Variants in SUGP1 observed in about 807,000 individuals in gnomAD.
The protein encoded by SUGP1 is SURP and G-patch domain-containing protein 1.
In SUGP1, 34 loss-of-function variants were observed where a neutral mutation model predicts 76.5. The ratio of observed to expected loss-of-function variants is 0.44; its 90% CI spans 0.34 to 0.59. The LOEUF (loss-of-function observed/expected upper bound fraction) is 0.59, where lower values mean the gene tolerates loss of function less well. Among genes scored for constraint, SUGP1 ranks in the 20% least tolerant of loss-of-function variants. The pLI is 0.01. For missense variants in SUGP1, 752 were observed against 851.7 expected (o/e 0.88, Z 1.46); for synonymous variants, 326 against 326.2 (o/e 1.00, Z 0.01).
At chr19:19,279,087 A>T in intron 10 of SUGP1, 126 bp downstream of exon 10, 1 of 1,106,038 alleles carries the variant, frequency 9.0e-7, no homozygotes, top group Non-Finnish European at 1.3e-6. Flanking sequence ...CAGCCACAGG[A>T]AGCAGGCTGG....
At chr19:19,296,429 G>A (rs1049109510) in intron 8 of SUGP1, among the ~76,000 whole-genome samples, 1 of 152,070 alleles carries the variant, frequency 6.6e-6, no homozygotes, top group Admixed American at 6.6e-5. Context: ...GGGAGATCAC[G>A]AGGTCAGGAG....
At chr19:19,295,632 A>C (rs1599856590) in intron 8 of SUGP1, among the ~76,000 whole-genome samples, 6 of 145,040 alleles carry the variant, frequency 4.1e-5, no homozygotes, top group East Asian at 2.0e-4. Context: ...AAAAAAAAGA[A>C]CCCGACGGCA....
intron 8 of SUGP1, among the ~76,000 whole-genome samples, chr19:19,283,644 C>T (rs1052994873): frequency 6.6e-6 from 1 of 152,186 alleles, no homozygotes; most frequent in African/African-American, 2.4e-5. Flanking sequence ...TTAGTAGAGA[C>T]AGGTTTCAGC....
At chr19:19,316,096 G>A (rs1343269429) in intron 2 of SUGP1, among the ~76,000 whole-genome samples, 1 of 152,100 alleles carries the variant, frequency 6.6e-6, no homozygotes, top group Non-Finnish European at 1.5e-5. Context: ...GCCTCCCAAA[G>A]GGCTGAGATT....
At chr19:19,299,131 G>C (rs1413542341) in intron 7 of SUGP1, among the ~76,000 whole-genome samples, 1 of 152,186 alleles carries the variant, frequency 6.6e-6, no homozygotes, top group Non-Finnish European at 1.5e-5. Context: ...TATCTTAATA[G>C]AGCTGTGATC....
chr19:19,291,059 G>A (rs1279469043), intron 8 of SUGP1, among the ~76,000 whole-genome samples: 1 of 152,128 alleles, frequency 6.6e-6, no homozygotes, highest in African/African-American at 2.4e-5. Flanking sequence ...AGAGGTTGCA[G>A]TGAGACAAGA....
At chr19:19,312,511 G>C (rs1477517684) in intron 2 of SUGP1, among the ~76,000 whole-genome samples, 1 of 152,144 alleles carries the variant, frequency 6.6e-6, no homozygotes, top group Admixed American at 6.5e-5. Flanking sequence ...AGCTCATGGA[G>C]TCCACAGGGC....
At chr19:19,306,674 G>A (rs990919142) in intron 3 of SUGP1, among the ~76,000 whole-genome samples, 1 of 152,246 alleles carries the variant, frequency 6.6e-6, no homozygotes, top group African/African-American at 2.4e-5. Context: ...AGCTCCACGG[G>A]TGACGATTTA....
At chr19:19,305,208 G>A (rs2061307032) in intron 4 of SUGP1, among the ~76,000 whole-genome samples, 1 of 152,204 alleles carries the variant, frequency 6.6e-6, no homozygotes, top group African/African-American at 2.4e-5. Context: ...TGTGCTGTCA[G>A]GGTGATGTGA....
intron 8 of SUGP1, among the ~76,000 whole-genome samples, chr19:19,282,559 G>A (rs918553310): frequency 2.0e-5 from 3 of 152,030 alleles, no homozygotes; most frequent in African/African-American, 7.2e-5. Context: ...CAATGTGTGA[G>A]CATCACAGAC....
At chr19:19,299,901 C>T (rs1207967398) in intron 7 of SUGP1, among the ~76,000 whole-genome samples, 2 of 152,092 alleles carry the variant, frequency 1.3e-5, no homozygotes, top group African/African-American at 4.8e-5. Context: ...AAGCCATTCT[C>T]CTGCCTCAGC....
At chr19:19,283,734 G>A (rs554213233) in intron 8 of SUGP1, among the ~76,000 whole-genome samples, 11 of 152,304 alleles carry the variant, frequency 7.2e-5, no homozygotes, top group African/African-American at 1.4e-4. Context: ...GATTACAGGC[G>A]TGAGCCACCA....
In SUGP1 at chr19:19,316,509, G is replaced by A; in HGVS notation, c.119C>T (p.Ala40Val). ...GGCTTCAATTTCCCGTTTCTTCTGA[G>A]CGATGAGCTCTTCCTGGTGAAGGAT... is the stretch of plus-strand genomic sequence containing the variant. ...MNILHQEELI[A>V]QKKREIEAKM... The change falls in exon 2 of 14, where the codon GCT (alanine) becomes GTT (valine). Residue 40 changes from alanine (A) to valine (V), a missense_variant. Physicochemically the swap from Ala to Val is moderately conservative, Grantham distance 64 (BLOSUM62 0). Around this residue, in one of 2 missense-constraint regions of SUGP1, gnomAD observed 620 missense variants for 617.3 expected, o/e 1.00. Coordinates refer to ENST00000247001, the MANE Select transcript of SUGP1 (RefSeq NM_172231.4). 1 of 1,613,876 alleles carries A rather than the reference G, an allele frequency of 6.2e-7. No individual in the cohort carries two copies. The highest frequency in any genetic ancestry group is 1.1e-5 in the South Asian group (1 of 91,074).
At chr19:19,317,795 C>T (rs1004698654) in intron 1 of SUGP1, among the ~76,000 whole-genome samples, 11 of 148,126 alleles carry the variant, frequency 7.4e-5, no homozygotes, top group East Asian at 2.0e-4. Context: ...CATGAGGCAC[C>T]GTGCCCCAGT....
chr19:19,295,605 CAAAAAAAAAAAAA>C (rs55921805), intron 8 of SUGP1, among the ~76,000 whole-genome samples: 1 of 66,810 alleles, frequency 1.5e-5, no homozygotes, highest in Admixed American at 1.9e-4. Flanking sequence ...GACTCCTTCT[CAAAAAAAAAAAAA>C]AAAAAAAAAA....
At chr19:19,303,691 C>T (rs374213493) in intron 5 of SUGP1, 33 bp downstream of exon 5, 529 of 1,613,362 alleles carry the variant, frequency 3.3e-4, no homozygotes, top group Non-Finnish European at 4.2e-4. Context: ...ACGCATTCAA[C>T]AGCACAGCCT....
chr19:19,313,724 C>G lies in SUGP1; in HGVS notation c.206+2698G>C, dbSNP rs369746356. On this transcript the variant is annotated intron_variant, in intron 2 of 13. Coordinates refer to ENST00000247001, the MANE Select transcript of SUGP1 (RefSeq NM_172231.4). ...ATCCTGCCTCTGAAATAAAACAGGC[C>G]CGGCACGGTGGCTCAAGGCTGTAAT... Among the ~76,000 whole-genome samples, 68 of 151,984 alleles carry G rather than the reference C, an allele frequency of 4.5e-4. No homozygotes were observed. The South Asian group carries it at 0.013, about 30-fold the overall frequency.
intron 8 of SUGP1, among the ~76,000 whole-genome samples, chr19:19,288,002 T>G (rs942369196): frequency 6.6e-6 from 1 of 152,172 alleles, no homozygotes; most frequent in African/African-American, 2.4e-5. Context: ...ATGACCTTTG[T>G]GATGATCCAT....
At chr19:19,297,430 T>G (rs2146609714) in intron 7 of SUGP1, 86 bp from the exon 8 acceptor site, 813 of 845,946 alleles carry the variant, frequency 9.6e-4, no homozygotes, top group Non-Finnish European at 1.2e-3. Context: ...TGGCCTTGTG[T>G]GCCCACGTTG....
Sources: gnomAD v4.1 joint callset for allele counts (sites outside exome capture counted in the v4.1 genomes callset) on GRCh38, gnomAD v4.1.1 for gene constraint, gnomAD v4.1.1 regional missense constraint, MANE v1.5 for transcripts, NCBI Gene and HGNC (gene_info 2026-07-23, HGNC 2026-07-21) for gene names.